AUTS2: variants seen among roughly 807,000 people sequenced by gnomAD.
AUTS2 encodes activator of transcription and developmental regulator AUTS2.
In AUTS2, 17 loss-of-function variants were observed where a neutral mutation model predicts 112.4. The observed-to-expected ratio is 0.15, with a 90% CI of 0.10 to 0.23. The LOEUF (loss-of-function observed/expected upper bound fraction) is 0.23, where lower values mean the gene tolerates loss of function less well. Among genes scored for constraint, AUTS2 ranks in the 10% least tolerant of loss-of-function variants. AUTS2 has a pLI of 1.00. For missense variants in AUTS2, 1,510 were observed against 1,701.6 expected, an observed-to-expected ratio of 0.89 and a Z score of 1.98; for synonymous variants, 751 against 702.7, an observed-to-expected ratio of 1.07 and a Z score of -1.09.
At chr7:70,085,630 G>A (rs1229644100) in intron 2 of AUTS2, among the ~76,000 whole-genome samples, 1 of 152,176 alleles carries the variant, frequency 6.6e-6, no homozygotes, top group Non-Finnish European at 1.5e-5. Flanking sequence ...CCCTCCCAAA[G>A]AGCTGGGATT....
rs1032623885 is a variant in AUTS2 at position 70,278,339 on chromosome 7, G to C, written c.660+143768G>C. Among the ~76,000 whole-genome samples the C allele has an allele frequency of 2.6e-5, 4 of 152,262 alleles. No individual in the cohort carries two copies. In the South Asian group the frequency reaches 6.2e-4, roughly 24 times the overall value. Reference sequence around the variant, plus strand: ...CACGCCTATAATCCCAGCACTTTGGGAGGCTGAGGCAGGAGGATCGCTTGA... The same window carrying C: ...CACGCCTATAATCCCAGCACTTTGGCAGGCTGAGGCAGGAGGATCGCTTGA... On this transcript the variant is annotated intron_variant, in intron 4 of 18. Transcript: ENST00000342771.
chr7:69,657,178 A>G (rs1425200044), intron 1 of AUTS2, among the ~76,000 whole-genome samples: 1 of 152,190 alleles, frequency 6.6e-6, no homozygotes, highest in African/African-American at 2.4e-5. Context: ...AAGTCTCAAG[A>G]CCCAAGCTTA....
chr7:70,366,522 G>C (rs1315976816), intron 4 of AUTS2, among the ~76,000 whole-genome samples: 2 of 152,100 alleles, frequency 1.3e-5, no homozygotes, highest in Admixed American at 6.6e-5. Flanking sequence ...AATAGTGAGA[G>C]ATAAAACAGG....
intron 2 of AUTS2, among the ~76,000 whole-genome samples, chr7:70,001,895 C>T (rs2129552819): frequency 6.6e-6 from 1 of 151,842 alleles, no homozygotes; most frequent in South Asian, 2.1e-4. Context: ...ATTTCAAGTA[C>T]AGATGAGGTT....
intron 1 of AUTS2, among the ~76,000 whole-genome samples, chr7:69,882,044 G>A (rs546927515): frequency 3.5e-4 from 53 of 151,230 alleles, no homozygotes; most frequent in South Asian, 6.3e-4. Context: ...CAGCTACTCA[G>A]GAGGCTGAGG....
chr7:70,744,855 A>C (rs1424785982), intron 6 of AUTS2, among the ~76,000 whole-genome samples: 4 of 151,994 alleles, frequency 2.6e-5, no homozygotes, highest in Admixed American at 2.0e-4. Context: ...CAGGGTGCTT[A>C]TGTGCTCATG....
At position 69,599,423 on chromosome 7, in the gene AUTS2, C is replaced by G. The variant is rs1792244156; in HGVS notation, c.-231C>G. ...GGAGCCCCACACTTGGGCTCCTCGC[C>G]TCTCGCCCTCGCTCCCCGTCCCTCC... On this transcript the variant is annotated 5_prime_UTR_variant, in exon 1 of 19. Transcript: ENST00000342771. This position sits in a 1 kb window ranked among gnomAD's most constrained non-coding sequence, Gnocchi z 7.0. The G allele has an allele frequency of 2.6e-6, 1 of 387,192 alleles. No individual in the cohort carries two copies. Among genetic ancestry groups the G allele is most frequent in the Admixed American group, 4.7e-5 (1 of 21,488 alleles). 24.0% of individuals were successfully genotyped at this position (387,192 alleles called of 1,614,324 possible). A position where few individuals can be genotyped will look rare whatever the true frequency, so the allele number is the denominator to read the frequency against.
chr7:70,528,787 A>G (rs1386157750), intron 5 of AUTS2, among the ~76,000 whole-genome samples: 4 of 150,828 alleles, frequency 2.7e-5, no homozygotes, highest in African/African-American at 9.9e-5. Context: ...TAGTCTGGGC[A>G]TCATAGCAAG....
intron 4 of AUTS2, among the ~76,000 whole-genome samples, chr7:70,209,933 T>TC: frequency 6.6e-6 from 1 of 151,304 alleles, no homozygotes; most frequent in East Asian, 2.0e-4. Context: ...CTTGTTGGAA[T>TC]CCCCCCCTCC....
intron 4 of AUTS2, 73 bp from the exon 5 acceptor site, chr7:70,435,679 G>A: frequency 6.7e-7 from 1 of 1,481,692 alleles, no homozygotes; most frequent in South Asian, 1.1e-5. Context: ...ATGGGGGTTG[G>A]GGGAGGAGGC....
intron 6 of AUTS2, among the ~76,000 whole-genome samples, chr7:70,707,257 ATAGC>A (rs1480419053): frequency 1.3e-4 from 20 of 152,354 alleles, no homozygotes; most frequent in African/African-American, 4.6e-4. Context: ...TTAGATATGA[ATAGC>A]TAGCATTTAT....
At chr7:70,537,477 A>G (rs1800370077) in intron 5 of AUTS2, among the ~76,000 whole-genome samples, 1 of 152,226 alleles carries the variant, frequency 6.6e-6, no homozygotes, top group South Asian at 2.1e-4. Context: ...TTTATGTTAT[A>G]TATGCAAACT....
chr7:69,975,528 T>C (rs62458788), intron 2 of AUTS2, among the ~76,000 whole-genome samples: 21,429 of 152,000 alleles, frequency 0.14, 2,405 homozygotes, highest in East Asian at 0.54. Context: ...TACCTGATAC[T>C]CTGTTTTTTG....
intron 2 of AUTS2, among the ~76,000 whole-genome samples, chr7:70,094,485 A>G (rs1419669364): frequency 6.6e-6 from 1 of 152,126 alleles, no homozygotes; most frequent in African/African-American, 2.4e-5. Context: ...AAAGTTAAAA[A>G]CCGGTCTGTG....
chr7:70,106,288 G>A (rs898352594), intron 2 of AUTS2, among the ~76,000 whole-genome samples: 5 of 152,180 alleles, frequency 3.3e-5, no homozygotes, highest in East Asian at 1.9e-4. Flanking sequence ...GTGTGGGGTC[G>A]TCCTTGTCAT....
At chr7:69,748,199 T>A (rs2129262846) in intron 1 of AUTS2, among the ~76,000 whole-genome samples, 1 of 152,266 alleles carries the variant, frequency 6.6e-6, no homozygotes, top group South Asian at 2.1e-4. Context: ...TTTAGATTTC[T>A]TATCTCAGGA....
intron 2 of AUTS2, among the ~76,000 whole-genome samples, chr7:70,106,898 A>G (rs1291769604): frequency 2.0e-5 from 3 of 152,190 alleles, no homozygotes; most frequent in Admixed American, 2.0e-4. Flanking sequence ...TTAACAACAT[A>G]AGAAAAGGAG....
At chr7:70,240,137 A>C (rs1219246565) in intron 4 of AUTS2, among the ~76,000 whole-genome samples, 2 of 152,208 alleles carry the variant, frequency 1.3e-5, no homozygotes, top group Non-Finnish European at 2.9e-5. Context: ...AGAATCTCCC[A>C]GCCCCGGTAG....
chr7:69,770,671 A>G (rs998663805), intron 1 of AUTS2, among the ~76,000 whole-genome samples: 9 of 152,100 alleles, frequency 5.9e-5, no homozygotes, highest in Non-Finnish European at 1.2e-4. Flanking sequence ...AATTTCGGAG[A>G]TAGTGTGCTT....
Sources: gnomAD v4.1 joint callset for allele counts (sites outside exome capture counted in the v4.1 genomes callset) on GRCh38, gnomAD v4.1.1 for gene constraint, Gnocchi (gnomAD v3.1) non-coding constraint, MANE v1.5 for transcripts, NCBI Gene and HGNC (gene_info 2026-07-23, HGNC 2026-07-21) for gene names.